The following FBXL7 variants were observed in gnomAD, a reference collection of about 807,000 sequenced individuals.
The protein encoded by FBXL7 is F-box and leucine rich repeat protein 7.
A neutral mutation model predicts 38.3 loss-of-function variants in FBXL7; 12 were observed. That is an observed-to-expected ratio of 0.31 (90% CI 0.20 to 0.51). The LOEUF (loss-of-function observed/expected upper bound fraction) is 0.51, where lower values mean the gene tolerates loss of function less well. Among genes scored for constraint, FBXL7 ranks in the 20% least tolerant of loss-of-function variants. FBXL7 has a pLI of 0.98. For missense variants in FBXL7, 567 were observed against 676.4 expected (o/e 0.84, Z 1.79); for synonymous variants, 297 against 300.9 (o/e 0.99, Z 0.13).
chr5:15,528,785 G>A (rs1441455391), intron 1 of FBXL7, among the ~76,000 whole-genome samples: 1 of 151,888 alleles, frequency 6.6e-6, no homozygotes, highest in Non-Finnish European at 1.5e-5. Context: ...CTGAAGGCCG[G>A]TTTTTTTAAA....
chr5:15,839,412 C>T (rs1016784743), intron 2 of FBXL7, among the ~76,000 whole-genome samples: 24 of 152,004 alleles, frequency 1.6e-4, no homozygotes, highest in East Asian at 7.7e-4. Context: ...ATTCATTGTA[C>T]GATAAAATAT....
intron 2 of FBXL7, among the ~76,000 whole-genome samples, chr5:15,739,012 G>A (rs1217911219): frequency 6.6e-6 from 1 of 152,328 alleles, no homozygotes; most frequent in Non-Finnish European, 1.5e-5. Flanking sequence ...GAAAGTACAC[G>A]TTCATTTCAT....
intron 2 of FBXL7, among the ~76,000 whole-genome samples, chr5:15,823,121 A>G (rs1366023369): frequency 6.6e-6 from 1 of 152,240 alleles, no homozygotes; most frequent in African/African-American, 2.4e-5. Flanking sequence ...GTACCTCACA[A>G]GAGGAATGCC....
At chr5:15,881,591 G>A (rs900615373) in intron 2 of FBXL7, among the ~76,000 whole-genome samples, 1 of 152,190 alleles carries the variant, frequency 6.6e-6, no homozygotes, top group South Asian at 2.1e-4. Flanking sequence ...AGTTCTTTAA[G>A]GAATCTCCAC....
intron 2 of FBXL7, among the ~76,000 whole-genome samples, chr5:15,734,114 CA>C (rs370211850): frequency 0.012 from 1,720 of 139,484 alleles, 28 homozygotes; most frequent in African/African-American, 0.039. Flanking sequence ...GACTGGGTCT[CA>C]AAAAAAAAAA....
At chr5:15,863,505 C>T (rs538948276) in intron 2 of FBXL7, among the ~76,000 whole-genome samples, 1 of 152,246 alleles carries the variant, frequency 6.6e-6, no homozygotes, top group South Asian at 2.1e-4. Flanking sequence ...GGAGAATGGT[C>T]GATGTGACCT....
chr5:15,915,394 C>G (rs1741558315), intron 2 of FBXL7, among the ~76,000 whole-genome samples: 1 of 152,292 alleles, frequency 6.6e-6, no homozygotes, highest in South Asian at 2.1e-4. Context: ...CTGGAAGCCC[C>G]AGATGTTTCT....
intron 2 of FBXL7, among the ~76,000 whole-genome samples, chr5:15,863,490 G>T (rs1160273793): frequency 6.6e-6 from 1 of 152,150 alleles, no homozygotes; most frequent in African/African-American, 2.4e-5. Flanking sequence ...CTACATGGGA[G>T]CCATGGAGAA....
intron 2 of FBXL7, among the ~76,000 whole-genome samples, chr5:15,666,677 C>T (rs1006712422): frequency 2.6e-5 from 4 of 152,130 alleles, no homozygotes; most frequent in African/African-American, 9.7e-5. Flanking sequence ...ATTGGTACTC[C>T]AGAACAATTT....
Position 15,937,040 on chromosome 5 carries a change from CAGGGCTTGCAGATCG to C in FBXL7, c.1331_1345del (p.Gln444_Val449delinsLeu). 1 of 1,614,022 alleles carries C rather than the reference CAGGGCTTGCAGATCG, an allele frequency of 6.2e-7. No individual in the cohort carries two copies. Among genetic ancestry groups the C allele is most frequent in the Non-Finnish European group, 8.5e-7 (1 of 1,179,892 alleles). ...CAAGTCCTGCGAGAGCATCACCGGC[CAGGGCTTGCAGATCG>C]TGGCCGCCAACTGCTTTGACCTCCA... is the stretch of plus-strand genomic sequence containing the variant. On this transcript the variant is annotated inframe_deletion, in exon 4 of 4. Transcript: ENST00000504595.
chr5:15,580,661 A>G (rs1739108913), intron 1 of FBXL7: 5 of 985,456 alleles, frequency 5.1e-6, no homozygotes, highest in Non-Finnish European at 6.0e-6. Flanking sequence ...ATCAAAGGCA[A>G]CATGAAAATT....
At chr5:15,643,581 C>T (rs1033139968) in intron 2 of FBXL7, among the ~76,000 whole-genome samples, 1 of 152,104 alleles carries the variant, frequency 6.6e-6, no homozygotes, top group Admixed American at 6.6e-5. Context: ...GGTTTTACTT[C>T]TTTGAAATGT....
At chr5:15,641,535 T>G (rs538633787) in intron 2 of FBXL7, among the ~76,000 whole-genome samples, 1 of 151,688 alleles carries the variant, frequency 6.6e-6, no homozygotes, top group African/African-American at 2.4e-5. Context: ...GTGATTAATA[T>G]TATGTGTCAA....
At chr5:15,869,426 CAT>C (rs2126821867) in intron 2 of FBXL7, among the ~76,000 whole-genome samples, 1 of 152,268 alleles carries the variant, frequency 6.6e-6, no homozygotes, top group South Asian at 2.1e-4. Context: ...CCGGCCGACA[CAT>C]GTGGCCCTGG....
At chr5:15,758,218 A>G (rs1408985964) in intron 2 of FBXL7, among the ~76,000 whole-genome samples, 1 of 152,108 alleles carries the variant, frequency 6.6e-6, no homozygotes, top group East Asian at 1.9e-4. Flanking sequence ...AAAATACTCA[A>G]ATTTCTAAAA....
chr5:15,859,981 T>C (rs1739409215), intron 2 of FBXL7, among the ~76,000 whole-genome samples: 1 of 152,180 alleles, frequency 6.6e-6, no homozygotes, highest in Non-Finnish European at 1.5e-5. Context: ...CATTCCTTCA[T>C]GGGTAGTTAG....
At position 15,926,937 on chromosome 5, in the gene FBXL7, C is replaced by A. The variant is rs139680468; in HGVS notation, c.128-953C>A. Reference sequence around the variant, plus strand: ...CTTCCTGTCTTCTGAAACTCACTCCCCTCATTTGTAAATGCAACATAATCA... The same window carrying A: ...CTTCCTGTCTTCTGAAACTCACTCCACTCATTTGTAAATGCAACATAATCA... On this transcript the variant is annotated intron_variant, in intron 2 of 3. Transcript: ENST00000504595. Among the ~76,000 whole-genome samples the A allele has an allele frequency of 3.1e-3, 467 of 151,900 alleles. 2 individuals are homozygous for A. Among genetic ancestry groups the A allele is most frequent in the African/African-American group, 0.011 (452 of 41,376 alleles).
intron 2 of FBXL7, among the ~76,000 whole-genome samples, chr5:15,650,439 A>C (rs1022813612): frequency 6.6e-6 from 1 of 152,176 alleles, no homozygotes; most frequent in Non-Finnish European, 1.5e-5. Context: ...TTCATCGTTG[A>C]TGGCTGCTGA....
Position 15,890,345 on chromosome 5 carries a change from T to C in FBXL7, c.128-37545T>C, listed in dbSNP as rs942433243. ...CTCACTGCAACCTCCGCCTCCCGGG[T>C]TCAAGCGATTCTCCTGCCTCAGCAT... is the stretch of plus-strand genomic sequence containing the variant. On this transcript the variant is annotated intron_variant, in intron 2 of 3. Coordinates refer to ENST00000504595, the MANE Select transcript of FBXL7 (RefSeq NM_012304.5). Among the ~76,000 whole-genome samples, 4 of 151,922 alleles carry C rather than the reference T, an allele frequency of 2.6e-5. No homozygotes were observed. In the East Asian group the frequency reaches 5.8e-4, roughly 22 times the overall value.
Sources: gnomAD v4.1 joint callset for allele counts (sites outside exome capture counted in the v4.1 genomes callset) on GRCh38, gnomAD v4.1.1 for gene constraint, MANE v1.5 for transcripts, NCBI Gene and HGNC (gene_info 2026-07-23, HGNC 2026-07-21) for gene names.